The following C5orf58 variants were observed in gnomAD, a reference collection of about 807,000 sequenced individuals.
C5orf58 encodes chromosome 5 open reading frame 58.
In C5orf58, 2 loss-of-function variants were observed where a neutral mutation model predicts 2.9. That is an observed-to-expected ratio of 0.69 (90% CI 0.28 to 2.18). The LOEUF is 2.18. Ranked by LOEUF, C5orf58 falls within the 30% of genes most tolerant of loss-of-function variation. C5orf58 has a pLI of 0.13. For synonymous variants in C5orf58, 37 were observed against 33.4 expected (o/e 1.11, Z -0.37); for missense variants, 96 against 91.7 (o/e 1.05, Z -0.19).
At chr5:170,250,981 C>T (rs977562779), downstream of C5orf58, 2 of 947,600 alleles carry the variant, frequency 2.1e-6, no homozygotes, top group Non-Finnish European at 3.2e-6. Flanking sequence ...ATCTGACAAA[C>T]ATGTCAGTTG....
chr5:170,247,817 T>G (rs1462851569), downstream of C5orf58: 4 of 152,342 alleles, frequency 2.6e-5, no homozygotes, highest in African/African-American at 9.6e-5. Flanking sequence ...AGGAAGCCTT[T>G]GGTAAAATCT....
intron 2 of C5orf58, 26 bp from the exon 3 acceptor site, chr5:170,234,951 T>C: frequency 9.3e-7 from 1 of 1,081,068 alleles, no homozygotes; most frequent in Non-Finnish European, 1.4e-6. Flanking sequence ...ATTTATACAT[T>C]GTTTCTGTTT....
At chr5:170,240,619 GTTGT>G (rs1398415845) in intron 3 of C5orf58, among the ~76,000 whole-genome samples, 107 of 151,908 alleles carry the variant, frequency 7.0e-4, no homozygotes, top group African/African-American at 2.5e-3. Flanking sequence ...TTTTGATGGG[GTTGT>G]TTGTTTTTTT....
intron 3 of C5orf58, among the ~76,000 whole-genome samples, chr5:170,245,037 C>T (rs1188350796): frequency 1.3e-5 from 2 of 151,140 alleles, no homozygotes; most frequent in Non-Finnish European, 3.0e-5. Flanking sequence ...GAATACCCTG[C>T]CGTGTGAGGT....
intron 1 of C5orf58, 40 bp downstream of exon 1, chr5:170,233,047 C>G (rs1760574989): frequency 2.2e-6 from 2 of 904,114 alleles, no homozygotes; most frequent in Non-Finnish European, 2.6e-6. Flanking sequence ...GGATCCTAAT[C>G]TGGTTTGGGA....
At chr5:170,251,771 C>G (rs1419437791) in exon 3 of C5orf58, 1 of 395,854 alleles carries the variant, frequency 2.5e-6, no homozygotes, top group Admixed American at 2.8e-5. Flanking sequence ...ACACAGCACC[C>G]CCAGAATAAT....
downstream of C5orf58, chr5:170,251,108 G>GTATCAAAGTAATTTGATACAAAGTAA (rs1761428759): frequency 4.4e-6 from 2 of 452,716 alleles, no homozygotes; most frequent in Admixed American, 3.9e-5. Flanking sequence ...AACAGAGATT[G>GTATCAAAGTAATTTGATACAAAGTAA]TATCAAAGAA....
At chr5:170,244,848 G>C (rs546795694) in intron 3 of C5orf58, among the ~76,000 whole-genome samples, 1 of 152,280 alleles carries the variant, frequency 6.6e-6, no homozygotes, top group African/African-American at 2.4e-5. Flanking sequence ...TGGAGGAGGA[G>C]AGGCGCTCTG....
chr5:170,244,818 G>A (rs1761184597), intron 3 of C5orf58, among the ~76,000 whole-genome samples: 1 of 152,290 alleles, frequency 6.6e-6, no homozygotes, highest in Admixed American at 6.5e-5. Flanking sequence ...TTCTGTTGCT[G>A]GTGAGGAACT....
At chr5:170,238,230 A>G (rs564277021) in intron 3 of C5orf58, among the ~76,000 whole-genome samples, 1 of 152,342 alleles carries the variant, frequency 6.6e-6, no homozygotes, top group Admixed American at 6.5e-5. Flanking sequence ...GAAAATTTCA[A>G]GAAATTATTA....
chr5:170,235,851 T>TA (rs1369542458), intron 3 of C5orf58, among the ~76,000 whole-genome samples: 1 of 152,120 alleles, frequency 6.6e-6, no homozygotes, highest in African/African-American at 2.4e-5. Flanking sequence ...CAACTTAACT[T>TA]ATACAATAAG....
At chr5:170,235,585 A>G (rs1044761589) in intron 3 of C5orf58, among the ~76,000 whole-genome samples, 1 of 152,234 alleles carries the variant, frequency 6.6e-6, no homozygotes, top group African/African-American at 2.4e-5. Flanking sequence ...GAATATTTCT[A>G]GGGATAATCT....
In C5orf58 at chr5:170,243,306, G is replaced by A. The variant is rs368588201; in HGVS notation, c.95-2656G>A. ...ATGTCTATTAGGTCCGCTTGGTGCA[G>A]AGCTGAGTTCAATTCCTGGGTATCC... On this transcript the variant is annotated intron_variant, in intron 3 of 3. Transcript: ENST00000593851. Among the ~76,000 whole-genome samples, 10 of 138,856 alleles carry A rather than the reference G, an allele frequency of 7.2e-5. No individual in the cohort carries two copies. In the East Asian group the frequency reaches 2.1e-3, roughly 29 times the overall value. The allele number at this position is 138,856 out of a possible 152,430, so 91.1% of individuals were successfully genotyped here.
At chr5:170,238,128 C>T (rs753970493) in intron 3 of C5orf58, among the ~76,000 whole-genome samples, 6 of 152,082 alleles carry the variant, frequency 3.9e-5, no homozygotes, top group Non-Finnish European at 8.8e-5. Context: ...GCAACTAAGG[C>T]ACAACAGATA....
downstream of C5orf58, chr5:170,251,007 TG>T (rs1409946851): frequency 1.4e-6 from 1 of 692,754 alleles, no homozygotes; most frequent in Non-Finnish European, 2.4e-6. Flanking sequence ...TGCAGCTTCT[TG>T]AGTGCAAAAC....
chr5:170,237,375 A>G (rs1282620903), intron 3 of C5orf58: 4 of 398,090 alleles, frequency 1.0e-5, no homozygotes, highest in African/African-American at 4.1e-5. Context: ...GGTAGGAACT[A>G]TTGCCATTGG....
intron 3 of C5orf58, among the ~76,000 whole-genome samples, chr5:170,237,555 C>A (rs1760793913): frequency 6.6e-6 from 1 of 152,100 alleles, no homozygotes; most frequent in Non-Finnish European, 1.5e-5. Flanking sequence ...AGCAAATAGA[C>A]AAGTCTGAAC....
downstream of C5orf58, among the ~76,000 whole-genome samples, chr5:170,249,362 G>GTATATATC (rs1761374724): frequency 1.8e-5 from 2 of 108,146 alleles, no homozygotes; most frequent in African/African-American, 6.2e-5. Flanking sequence ...GCATGCGTGT[G>GTATATATC]TATATATATA....
intron 3 of C5orf58, among the ~76,000 whole-genome samples, chr5:170,242,745 A>G (rs1761073605): frequency 6.6e-6 from 1 of 150,834 alleles, no homozygotes; most frequent in Non-Finnish European, 1.5e-5. Context: ...GGATTCATTA[A>G]TTTTTGAAGG....
Sources: allele counts gnomAD v4.1 joint callset (sites outside exome capture counted in the v4.1 genomes callset), GRCh38; gene constraint gnomAD v4.1.1; transcripts MANE v1.5; gene names NCBI Gene and HGNC (gene_info 2026-07-23, HGNC 2026-07-21).